ASNS: variants seen among roughly 807,000 people sequenced by gnomAD.
ASNS encodes the protein asparagine synthetase [glutamine-hydrolyzing].
In ASNS, 37 loss-of-function variants were observed where a neutral mutation model predicts 62.6. The observed-to-expected ratio is 0.59, with a 90% CI of 0.45 to 0.78. ASNS has a LOEUF of 0.78. Among genes scored for constraint, ASNS ranks in the 30% least tolerant of loss-of-function variants. ASNS has a pLI of 0.00. For synonymous variants in ASNS, 207 were observed against 237.9 expected (o/e 0.87, Z 1.19); for missense variants, 520 against 682.4 (o/e 0.76, Z 2.65).
chr7:97,889,943 A>AAC, the ASNS span, among the ~76,000 whole-genome samples: 10 of 149,390 alleles, frequency 6.7e-5, no homozygotes, highest in Non-Finnish European at 1.5e-5. Context: ...AAAAAAAAAA[A>AAC]AAAAAAAACC....
chr7:97,878,750 A>C, the ASNS span, among the ~76,000 whole-genome samples: 1 of 152,222 alleles, frequency 6.6e-6, no homozygotes, highest in Non-Finnish European at 1.5e-5. Context: ...TGCCATCCCC[A>C]TCAAGCTACC....
chr7:97,883,694 T>A, the ASNS span, among the ~76,000 whole-genome samples: 1 of 152,084 alleles, frequency 6.6e-6, no homozygotes, highest in African/African-American at 2.4e-5. Flanking sequence ...CGGTTAACAA[T>A]GATAAAAGCT....
At chr7:97,920,011 C>CAT in the ASNS span, among the ~76,000 whole-genome samples, 1 of 143,222 alleles carries the variant, frequency 7.0e-6, no homozygotes, top group African/African-American at 2.6e-5. Context: ...CTTGTCCTGA[C>CAT]TTTTTTTTTT....
At chr7:97,908,095 G>A in the ASNS span, among the ~76,000 whole-genome samples, 1 of 152,176 alleles carries the variant, frequency 6.6e-6, no homozygotes, top group East Asian at 1.9e-4. Flanking sequence ...AAACAACCTA[G>A]AAATAACTAG....
the ASNS span, among the ~76,000 whole-genome samples, chr7:97,921,831 G>A: frequency 6.6e-6 from 1 of 152,174 alleles, no homozygotes; most frequent in Non-Finnish European, 1.5e-5. Flanking sequence ...TCCTGGGTGG[G>A]TGCCGGAGCA....
chr7:97,905,620 T>C, the ASNS span, among the ~76,000 whole-genome samples: 1 of 152,160 alleles, frequency 6.6e-6, no homozygotes, highest in East Asian at 1.9e-4. Context: ...CTCACTTCCA[T>C]CTCACCCCTA....
intron 4 of ASNS, among the ~76,000 whole-genome samples, chr7:97,862,729 ACT>A (rs1415270697): frequency 6.6e-6 from 1 of 151,690 alleles, no homozygotes; most frequent in Non-Finnish European, 1.5e-5. Context: ...GCATATGTGA[ACT>A]CTCTGCACTT....
At chr7:97,906,600 T>C in the ASNS span, 3 of 161,428 alleles carry the variant, frequency 1.9e-5, no homozygotes, top group Non-Finnish European at 4.1e-5. Flanking sequence ...CAAACCCTCT[T>C]TGCAGTTTTC....
At chr7:97,907,201 C>T in the ASNS span, among the ~76,000 whole-genome samples, 2 of 152,210 alleles carry the variant, frequency 1.3e-5, no homozygotes, top group African/African-American at 4.8e-5. Flanking sequence ...TACCTCTTAA[C>T]TAAGCCTTCC....
At chr7:97,880,698 C>A in the ASNS span, among the ~76,000 whole-genome samples, 2 of 152,112 alleles carry the variant, frequency 1.3e-5, no homozygotes, top group Non-Finnish European at 2.9e-5. Context: ...AAAATTACCC[C>A]CCAAAGATGT....
chr7:97,859,413 T>C lies in ASNS; in HGVS notation c.488-15A>G. ...TGTAACAAGACCTAGAAATTCACAA[T>C]GATACCTTTATTCAAATTAGGTAAC... On this transcript the variant is annotated splice_polypyrimidine_tract_variant and intron_variant, in intron 4 of 12. Transcript: ENST00000394308. The C allele has an allele frequency of 6.3e-7, 1 of 1,589,784 alleles. No individual in the cohort carries two copies. Among genetic ancestry groups the C allele is most frequent in the Non-Finnish European group, 8.6e-7 (1 of 1,166,870 alleles).
At chr7:97,926,811 C>A in the ASNS span, among the ~76,000 whole-genome samples, 2 of 152,128 alleles carry the variant, frequency 1.3e-5, no homozygotes, top group Non-Finnish European at 2.9e-5. Context: ...GGGTTTCTGC[C>A]TTTTAAATAT....
upstream of ASNS, among the ~76,000 whole-genome samples, chr7:97,875,386 G>A (rs3998611): frequency 4.6e-5 from 7 of 152,064 alleles, no homozygotes; most frequent in African/African-American, 1.4e-4. Flanking sequence ...TGATCCACCC[G>A]CCTTGGCCTC....
the ASNS span, among the ~76,000 whole-genome samples, chr7:97,879,408 G>T: frequency 6.6e-6 from 1 of 152,194 alleles, no homozygotes; most frequent in Non-Finnish European, 1.5e-5. Context: ...CTGACAAAGG[G>T]ACCTATGACT....
the ASNS span, among the ~76,000 whole-genome samples, chr7:97,883,444 A>G: frequency 6.7e-6 from 1 of 149,286 alleles, no homozygotes; most frequent in Non-Finnish European, 1.5e-5. Flanking sequence ...TCAGTGACCA[A>G]GTCACGTGGG....
the ASNS span, chr7:97,928,299 A>G: frequency 5.4e-6 from 8 of 1,486,624 alleles, no homozygotes; most frequent in East Asian, 5.1e-5. Context: ...AGGGCTGGCC[A>G]TGGCTCCGGG....
the ASNS span, among the ~76,000 whole-genome samples, chr7:97,912,531 C>T: frequency 6.7e-6 from 1 of 150,250 alleles, no homozygotes; most frequent in Non-Finnish European, 1.5e-5. Flanking sequence ...AAATTGCCTC[C>T]CCTAGGGGAG....
the ASNS span, among the ~76,000 whole-genome samples, chr7:97,905,425 C>T: frequency 6.6e-6 from 1 of 152,216 alleles, no homozygotes; most frequent in African/African-American, 2.4e-5. Flanking sequence ...TCTGGTAGTT[C>T]CACTAAATAA....
At chr7:97,917,917 G>C in the ASNS span, among the ~76,000 whole-genome samples, 2 of 152,274 alleles carry the variant, frequency 1.3e-5, no homozygotes, top group Non-Finnish European at 2.9e-5. Context: ...GCTCTAGGAT[G>C]CAGACAGTAG....
Sources: allele counts gnomAD v4.1 joint callset (sites outside exome capture counted in the v4.1 genomes callset), GRCh38; gene constraint gnomAD v4.1.1; transcripts MANE v1.5; gene names NCBI Gene and HGNC (gene_info 2026-07-23, HGNC 2026-07-21).